The following CENPS variants were observed in gnomAD, a reference collection of about 807,000 sequenced individuals.
CENPS encodes the protein centromere protein S, also known as FANCM associated histone fold protein 1.
CENPS carries 16 observed loss-of-function variants against 17.9 expected under a neutral mutation model. The ratio of observed to expected loss-of-function variants is 0.90; its 90% confidence interval spans 0.61 to 1.36. The LOEUF (loss-of-function observed/expected upper bound fraction) is 1.36. Ranked by LOEUF, CENPS falls within the 40% of genes most tolerant of loss-of-function variation. CENPS has a pLI of 0.00. For synonymous variants in CENPS, 49 were observed against 55.8 expected (o/e 0.88, Z 0.54); for missense variants, 160 against 158.6 (o/e 1.01, Z -0.05).
At chr1:10,434,751 C>G in intron 3 of CENPS, 61 bp downstream of exon 3, 2 of 1,542,082 alleles carry the variant, frequency 1.3e-6, no homozygotes, top group Non-Finnish European at 1.7e-6. Flanking sequence ...GCCTCTCCAT[C>G]TGGTGGGTTA....
chr1:10,442,126 A>C (rs1029559552), intron 4 of CENPS, 139 bp from the exon 5 acceptor site: 55 of 1,158,350 alleles, frequency 4.7e-5, no homozygotes, highest in Admixed American at 1.8e-4. Flanking sequence ...AATTCTTAGA[A>C]ATGTAACCCA....
Position 10,440,390 on chromosome 1 carries a change from T to C in CENPS, c.253T>C (p.Leu85=). The change falls in exon 4 of 5, where the codon TTA becomes CTA. Residue 85 remains leucine (L), a synonymous_variant. Transcript: ENST00000309048. ...AATTAACACTGAAGATGTGAAGCTC[T>C]TAGCCAGGAGGAGTAATTCACTGGT... ...TTINTEDVKL[L]ARRSNSLLKY... 1.9e-6 allele frequency: 3 copies of C among 1,614,092 alleles called. No individual in the cohort carries two copies. The highest frequency in any genetic ancestry group is 2.5e-6 in the Non-Finnish European group (3 of 1,179,996).
At position 10,442,379 on chromosome 1, in the gene CENPS, G is replaced by A. The variant is rs766537484; in HGVS notation, c.391G>A (p.Ala131Thr). The A allele has an allele frequency of 1.3e-5, 20 of 1,595,496 alleles. No homozygotes were observed. The East Asian group carries it at 4.3e-4, about 34-fold the overall frequency. The change falls in exon 5 of 5, where the codon GCT becomes ACT. Residue 131 changes from alanine (A) to threonine (T), a missense_variant. Physicochemically the swap from Ala to Thr is moderately conservative, Grantham distance 58. Coordinates refer to ENST00000309048, the MANE Select transcript of CENPS (RefSeq NM_199294.3). ...GSKNSRQPAE[A>T]GVVESEN The stretch of plus-strand genomic sequence containing the variant: ...CAAAAATTCAAGGCAGCCAGCAGAG[G>A]CTGGAGTGGTGGAAAGTGAGAATTA...
In CENPS at chr1:10,432,271, G is replaced by A. The variant is rs561346067; in HGVS notation, c.52-1571G>A. On this transcript the variant is annotated intron_variant, in intron 1 of 4. Transcript: ENST00000309048. ...CCCAGCTAATTTTGTATGTTTAGTA[G>A]AGACAGTTTCACCATGTTGGCCAGG... Among the ~76,000 whole-genome samples the A allele has an allele frequency of 2.0e-5, 3 of 152,200 alleles. No homozygotes were observed. In the East Asian group the frequency reaches 5.8e-4, roughly 29 times the overall value.
chr1:10,430,531 C>T lies in CENPS; in HGVS notation c.14C>T (p.Ala5Val), dbSNP rs1439425180. The T allele has an allele frequency of 2.6e-6, 4 of 1,537,550 alleles. No individual in the cohort carries two copies. Among genetic ancestry groups the T allele is most frequent in the African/African-American group, 1.4e-5 (1 of 70,600 alleles). The change falls in exon 1 of 5, where the codon GCG (alanine) becomes GTG (valine). Residue 5 changes from alanine (A) to valine (V), a missense_variant. Coordinates refer to ENST00000309048, the MANE Select transcript of CENPS (RefSeq NM_199294.3). MEEEAETEEQQRFSY... is the reference protein window; with the variant it reads MEEEVETEEQQRFSY... ...CGGCCCGCAGTGATGGAGGAGGAGG[C>T]GGAGACCGAGGAGCAGCAGCGATTC...
chr1:10,433,694 T>G, intron 1 of CENPS, 148 bp from the exon 2 acceptor site: 2 of 1,430,086 alleles, frequency 1.4e-6, no homozygotes, highest in Non-Finnish European at 1.9e-6. Flanking sequence ...CATTAACTTA[T>G]TAGTACACTT....
At chr1:10,435,706 T>TACACACACAC (rs1405520586) in intron 3 of CENPS, among the ~76,000 whole-genome samples, 9,464 of 141,424 alleles carry the variant, frequency 0.067, 450 homozygotes, top group East Asian at 0.13. Flanking sequence ...AAAAATAATA[T>TACACACACAC]ATATATATAT....
chr1:10,442,576 C>A lies in CENPS; in HGVS notation c.*171C>A. ...TTCTCCACATTGTTAACTGCCAAAG[C>A]TAGTTTTAGAGAATGAGAAAGTCTT... On this transcript the variant is annotated 3_prime_UTR_variant, in exon 5 of 5. Coordinates refer to ENST00000309048, the MANE Select transcript of CENPS (RefSeq NM_199294.3). 1 of 1,165,276 alleles carries A rather than the reference C, an allele frequency of 8.6e-7. No homozygotes were observed. Among genetic ancestry groups the A allele is most frequent in the Non-Finnish European group, 1.1e-6 (1 of 910,930 alleles). The allele number at this position is 1,165,276 out of a possible 1,614,324, so 72.2% of individuals were successfully genotyped here.
At chr1:10,431,353 C>T (rs1445639868) in intron 1 of CENPS, 3 of 1,535,324 alleles carry the variant, frequency 2.0e-6, no homozygotes, top group East Asian at 2.4e-5. Flanking sequence ...TCTACCCTGC[C>T]CCTTGTCTTT....
At chr1:10,432,958 C>T (rs1226855275) in intron 1 of CENPS, among the ~76,000 whole-genome samples, 1 of 152,160 alleles carries the variant, frequency 6.6e-6, no homozygotes, top group Admixed American at 6.5e-5. Flanking sequence ...AGTAGATGCC[C>T]TCCTCATCTG....
chr1:10,433,883 C>T lies in CENPS; in HGVS notation c.93C>T (p.Cys31=), dbSNP rs369425569. The T allele has an allele frequency of 4.3e-5, 69 of 1,614,036 alleles. 1 individual carries two copies. The highest frequency in any genetic ancestry group is 3.5e-4 in the South Asian group (32 of 91,092). Residue 31 remains cysteine, a synonymous_variant, in exon 2 of 5, where the codon TGC becomes TGT. Coordinates refer to ENST00000309048, the MANE Select transcript of CENPS (RefSeq NM_199294.3). ...AAVHYTVGCL[C]EEVALDKEMQ... The stretch of plus-strand genomic sequence containing the variant: ...TTCACTATACTGTGGGTTGTCTTTG[C>T]GAGGAAGTTGCATTGGACAAAGAGA...
At chr1:10,434,590 C>A in intron 2 of CENPS, 67 bp from the exon 3 acceptor site, 2 of 1,599,952 alleles carry the variant, frequency 1.3e-6, no homozygotes. Context: ...ATCAAGGCTT[C>A]ACTTTTTCTG....
rs772057575 is a variant in CENPS at position 10,430,481 on chromosome 1, C to G, written c.-37C>G. The G allele has an allele frequency of 3.9e-6, 6 of 1,532,800 alleles. No individual in the cohort carries two copies. The highest frequency in any genetic ancestry group is 5.3e-6 in the Non-Finnish European group (6 of 1,140,464). The allele number at this position is 1,532,800 out of a possible 1,614,324, so 94.9% of individuals were successfully genotyped here. A position where few individuals can be genotyped will look rare whatever the true frequency, so the allele number is the denominator to read the frequency against. ...CTGGCCGCGCACCACCGCCCCTTCT[C>G]GGCCCTCCTGCGTTTGCCCAGGGTC... On this transcript the variant is annotated 5_prime_UTR_variant, in exon 1 of 5. Coordinates refer to ENST00000309048, the MANE Select transcript of CENPS (RefSeq NM_199294.3).
intron 3 of CENPS, among the ~76,000 whole-genome samples, chr1:10,436,674 C>G (rs943127579): frequency 6.8e-6 from 1 of 148,052 alleles, no homozygotes; most frequent in African/African-American, 2.5e-5. Flanking sequence ...CCCCTTCACT[C>G]CAGCCTGGGT....
intron 1 of CENPS, 48 bp downstream of exon 1, chr1:10,430,616 G>C: frequency 6.6e-7 from 1 of 1,521,630 alleles, no homozygotes; most frequent in Non-Finnish European, 8.8e-7. Flanking sequence ...ACGGCGTCGA[G>C]TTTCTGGACA....
intron 1 of CENPS, chr1:10,430,892 G>A: frequency 1.1e-5 from 14 of 1,285,138 alleles, no homozygotes; most frequent in Non-Finnish European, 1.4e-5. Context: ...TTTTCGTGAG[G>A]GTACAACGTC....
At position 10,442,627 on chromosome 1, in the gene CENPS, C is replaced by G; in HGVS notation, c.*222C>G. On this transcript the variant is annotated 3_prime_UTR_variant, in exon 5 of 5. Transcript: ENST00000309048. ...AAGCAAAATACTCCCAGGTCTCACT[C>G]CAGAACATAAAAATGGTGTGTGATC... is the stretch of plus-strand genomic sequence containing the variant. 1.6e-6 allele frequency: 1 copy of G among 640,506 alleles called. No individual in the cohort carries two copies. Among genetic ancestry groups the G allele is most frequent in the East Asian group, 3.7e-5 (1 of 26,958 alleles). The allele number at this position is 640,506 out of a possible 1,614,324, so 39.7% of individuals were successfully genotyped here. A position where few individuals can be genotyped will look rare whatever the true frequency, so the allele number is the denominator to read the frequency against.
intron 1 of CENPS, among the ~76,000 whole-genome samples, chr1:10,433,395 G>T (rs1208642473): frequency 6.6e-6 from 1 of 152,218 alleles, no homozygotes; most frequent in Non-Finnish European, 1.5e-5. Flanking sequence ...GCTGCCAGGG[G>T]CTTGCAGCAG....
At chr1:10,431,270 C>G in intron 1 of CENPS, 1 of 1,534,848 alleles carries the variant, frequency 6.5e-7, no homozygotes, top group Non-Finnish European at 8.7e-7. Flanking sequence ...TTAAAGAGGA[C>G]GGACTGAAGA....
Sources: gnomAD v4.1 joint callset for allele counts (sites outside exome capture counted in the v4.1 genomes callset) on GRCh38, gnomAD v4.1.1 for gene constraint, MANE v1.5 for transcripts, NCBI Gene and HGNC (gene_info 2026-07-23, HGNC 2026-07-21) for gene names.